MTA3: variants seen among roughly 807,000 people sequenced by gnomAD.
MTA3 encodes the protein metastasis-associated protein MTA3.
Under a neutral mutation model 83.5 loss-of-function variants are expected in MTA3, and 34 were observed. That is an observed-to-expected ratio of 0.41 (90% CI 0.31 to 0.54). The LOEUF (loss-of-function observed/expected upper bound fraction) is 0.54. Ranked by LOEUF, MTA3 falls within the 20% of genes least tolerant of loss-of-function variation. The pLI is 0.33. For synonymous variants in MTA3, 303 were observed against 252.7 expected (o/e 1.20, Z -1.89); for missense variants, 761 against 726.4 (o/e 1.05, Z -0.55).
rs184463090 is a variant in MTA3, at chr2:42,600,028, G to A, written c.191-9430G>A. 5.1e-3 allele frequency among the ~76,000 whole-genome samples: 539 copies of A among 106,180 alleles called. 3 individuals are homozygous for A. Among genetic ancestry groups the A allele is most frequent in the African/African-American group, 0.019 (478 of 25,604 alleles). The allele number at this position is 106,180 out of a possible 152,430, so 69.7% of individuals were successfully genotyped here. On this transcript the variant is annotated intron_variant, in intron 3 of 16. Coordinates refer to ENST00000405094, the MANE Select transcript of MTA3 (RefSeq NM_001330442.2). Reference sequence around the variant, plus strand: ...TGGCTAACACAGTGAAACCCTGTCTGTACTAAAAATACAAAAAAAATTAGC... The same window carrying A: ...TGGCTAACACAGTGAAACCCTGTCTATACTAAAAATACAAAAAAAATTAGC...
chr2:42,616,796 C>G (rs183427124), intron 4 of MTA3, among the ~76,000 whole-genome samples: 5 of 151,662 alleles, frequency 3.3e-5, no homozygotes, highest in Non-Finnish European at 7.4e-5. Flanking sequence ...CCAGGCTGTT[C>G]GCAAACGATC....
intron 8 of MTA3, among the ~76,000 whole-genome samples, chr2:42,660,448 C>T (rs551645407): frequency 6.6e-6 from 1 of 152,268 alleles, no homozygotes; most frequent in South Asian, 2.1e-4. Context: ...AATCTATTTA[C>T]TTTTTTCTTT....
intron 11 of MTA3, among the ~76,000 whole-genome samples, chr2:42,700,454 A>T (rs946069360): frequency 7.2e-5 from 11 of 152,136 alleles, no homozygotes; most frequent in Non-Finnish European, 1.6e-4. Flanking sequence ...TTTTGTGATT[A>T]TTATCATTAA....
chr2:42,711,947 A>C (rs903345724), intron 14 of MTA3, among the ~76,000 whole-genome samples: 2 of 152,132 alleles, frequency 1.3e-5, no homozygotes, highest in Non-Finnish European at 2.9e-5. Flanking sequence ...TTCTCAAAAT[A>C]TTGATGGATC....
chr2:42,567,315 C>T (rs1362311794), upstream of MTA3, among the ~76,000 whole-genome samples: 1 of 152,092 alleles, frequency 6.6e-6, no homozygotes, highest in Non-Finnish European at 1.5e-5. Flanking sequence ...TTCAATAGTG[C>T]TTTATTTTTT....
chr2:42,656,585 T>TA (rs1689191824), intron 7 of MTA3, among the ~76,000 whole-genome samples: 1 of 152,198 alleles, frequency 6.6e-6, no homozygotes, highest in Non-Finnish European at 1.5e-5. Context: ...ACATCCTTAA[T>TA]AAAAAGAGTC....
chr2:42,755,359 C>T lies in MTA3; in HGVS notation c.*1960C>T. 1 of 985,506 alleles carries T rather than the reference C, an allele frequency of 1.0e-6. No individual in the cohort carries two copies. The highest frequency in any genetic ancestry group is 1.2e-6 in the Non-Finnish European group (1 of 830,006). 61.0% of individuals were successfully genotyped at this position (985,506 alleles called of 1,614,324 possible). ...CATTTTCTCTGCCTTTTGGGAGAGG[C>T]CCTCTCACCCAGGCCCAAGAGATTT... On this transcript the variant is annotated 3_prime_UTR_variant, in exon 17 of 17. Transcript: ENST00000405094.
intron 4 of MTA3, among the ~76,000 whole-genome samples, chr2:42,618,299 C>T (rs778535662): frequency 1.3e-5 from 2 of 152,072 alleles, no homozygotes; most frequent in African/African-American, 2.4e-5. Flanking sequence ...GTGTCATTAT[C>T]ATTTGAGAAC....
intron 2 of MTA3, among the ~76,000 whole-genome samples, chr2:42,521,354 G>T (rs772645598): frequency 6.6e-6 from 1 of 152,116 alleles, no homozygotes; most frequent in Non-Finnish European, 1.5e-5. Context: ...CCACCCCATC[G>T]GCCTAGTGAT....
chr2:42,638,191 C>T (rs755984680), intron 4 of MTA3, among the ~76,000 whole-genome samples: 3 of 151,780 alleles, frequency 2.0e-5, no homozygotes, highest in African/African-American at 4.8e-5. Context: ...AGAAATATTG[C>T]TTTGTCAGCT....
intron 6 of MTA3, among the ~76,000 whole-genome samples, chr2:42,653,398 A>G (rs1203380944): frequency 6.6e-6 from 1 of 152,178 alleles, no homozygotes; most frequent in Non-Finnish European, 1.5e-5. Context: ...CATTCCAAAG[A>G]TTGCTGCTAG....
intron 2 of MTA3, among the ~76,000 whole-genome samples, chr2:42,561,712 AGG>A (rs1677684223): frequency 6.6e-6 from 1 of 152,134 alleles, no homozygotes. Flanking sequence ...GACTGTTTCA[AGG>A]GATTGAGTAG....
chr2:42,622,081 C>T (rs1558512144), intron 4 of MTA3, among the ~76,000 whole-genome samples: 1 of 152,210 alleles, frequency 6.6e-6, no homozygotes, highest in South Asian at 2.1e-4. Flanking sequence ...TGTAGCGAGC[C>T]GAGATCACGC....
chr2:42,674,630 C>T (rs1167616973), intron 8 of MTA3, among the ~76,000 whole-genome samples: 2 of 143,218 alleles, frequency 1.4e-5, no homozygotes, highest in African/African-American at 5.2e-5. Context: ...GACGGAGTCT[C>T]ACTCCATCAC....
chr2:42,601,269 G>C (rs1298906879), intron 3 of MTA3, among the ~76,000 whole-genome samples: 1 of 152,214 alleles, frequency 6.6e-6, no homozygotes, highest in East Asian at 1.9e-4. Context: ...CTTGGAAACA[G>C]CCTGATGTTT....
intron 16 of MTA3, among the ~76,000 whole-genome samples, chr2:42,736,537 C>T (rs1668626998): frequency 6.6e-6 from 1 of 152,116 alleles, no homozygotes; most frequent in Non-Finnish European, 1.5e-5. Context: ...TCACTGTGAC[C>T]CCAAGTAGGT....
intron 2 of MTA3, among the ~76,000 whole-genome samples, chr2:42,534,593 A>AAAAAAGAAGAAAAAG (rs1367126452): frequency 7.5e-6 from 1 of 133,078 alleles, no homozygotes; most frequent in East Asian, 2.3e-4. Flanking sequence ...GAAACTCTAA[A>AAAAAAGAAGAAAAAG]AAAAAGAAGA....
intron 6 of MTA3, among the ~76,000 whole-genome samples, chr2:42,652,345 G>T (rs541651272): frequency 1.3e-5 from 2 of 152,198 alleles, no homozygotes; most frequent in East Asian, 1.9e-4. Flanking sequence ...CTTCACTAAC[G>T]TAGATTTCCT....
intron 9 of MTA3, among the ~76,000 whole-genome samples, chr2:42,692,319 T>C (rs966328706): frequency 4.0e-5 from 6 of 151,562 alleles, no homozygotes; most frequent in Admixed American, 1.3e-4. Flanking sequence ...CTTGATTCTT[T>C]TTATTTCAGT....
Sources: gnomAD v4.1 joint callset for allele counts (sites outside exome capture counted in the v4.1 genomes callset) on GRCh38, gnomAD v4.1.1 for gene constraint, MANE v1.5 for transcripts, NCBI Gene and HGNC (gene_info 2026-07-23, HGNC 2026-07-21) for gene names.